DLGAP2: variants seen among roughly 807,000 people sequenced by gnomAD.
The protein encoded by DLGAP2 is DLG associated protein 2, also known as disks large-associated protein 2.
Under a neutral mutation model 100.3 loss-of-function variants are expected in DLGAP2, and 26 were observed. The ratio of observed to expected loss-of-function variants is 0.26; its 90% CI spans 0.19 to 0.36. DLGAP2 has a LOEUF of 0.36. Among genes scored for constraint, DLGAP2 ranks in the 10% least tolerant of loss-of-function variants. The pLI, the probability that DLGAP2 is intolerant of heterozygous loss-of-function variation, is 1.00. For synonymous variants in DLGAP2, 886 were observed against 630.1 expected, an observed-to-expected ratio of 1.41 and a Z score of -6.08; for missense variants, 1,858 against 1,453.2, an observed-to-expected ratio of 1.28 and a Z score of -4.53.
At chr8:1,309,924 A>C (rs557463690) in intron 3 of DLGAP2, among the ~76,000 whole-genome samples, 2 of 152,246 alleles carry the variant, frequency 1.3e-5, no homozygotes, top group East Asian at 3.9e-4. Flanking sequence ...GTGAAAACCC[A>C]TCTTTACTAA....
intron 3 of DLGAP2, among the ~76,000 whole-genome samples, chr8:1,282,482 C>G (rs1799837507): frequency 7.9e-6 from 1 of 127,388 alleles, no homozygotes; most frequent in African/African-American, 2.9e-5. Context: ...ATGGTGTGAC[C>G]TGAACCCAGC....
Position 1,633,041 on chromosome 8 carries a change from C to T in DLGAP2, c.1805C>T (p.Thr602Ile), listed in dbSNP as rs1265786134. The T allele has an allele frequency of 5.0e-6, 8 of 1,613,880 alleles. No individual in the cohort carries two copies. The African/African-American group carries it at 1.1e-4, about 22-fold the overall frequency. ...GACATCACCTCCACCATCAGGTCAA[C>T]AGCAGGTAAGGGGACGCCATTTTCA... Reference protein sequence around the residue: ...PSDITSTIRSTAAVSYTNYKK... With the variant: ...PSDITSTIRSIAAVSYTNYKK... Residue 602 changes from threonine to isoleucine, a missense_variant, in exon 8 of 15, where the codon ACA (threonine) becomes ATA (isoleucine). Physicochemically the swap from Thr to Ile is moderately conservative, Grantham distance 89. Coordinates refer to ENST00000637795, the MANE Select transcript of DLGAP2 (RefSeq NM_001346810.2).
chr8:1,229,190 T>C (rs998717859), intron 2 of DLGAP2, among the ~76,000 whole-genome samples: 7 of 151,840 alleles, frequency 4.6e-5, no homozygotes, highest in Non-Finnish European at 8.8e-5. Context: ...CTATAAAATA[T>C]TGAAATATTG....
intron 3 of DLGAP2, among the ~76,000 whole-genome samples, chr8:1,412,203 A>G (rs1355652651): frequency 6.6e-6 from 1 of 152,060 alleles, no homozygotes; most frequent in African/African-American, 2.4e-5. Flanking sequence ...AGCCCCCAGC[A>G]CTGGGACTTT....
intron 2 of DLGAP2, among the ~76,000 whole-genome samples, chr8:936,022 C>G (rs549084367): frequency 3.3e-5 from 5 of 152,078 alleles, no homozygotes; most frequent in Non-Finnish European, 5.9e-5. Flanking sequence ...GACCGAGGAC[C>G]CTGCCCAGTG....
At chr8:1,438,352 G>GT (rs1489438662) in intron 3 of DLGAP2, among the ~76,000 whole-genome samples, 2 of 152,136 alleles carry the variant, frequency 1.3e-5, no homozygotes, top group Non-Finnish European at 2.9e-5. Context: ...TACAGTTAGC[G>GT]TTTTGGTCTT....
intron 2 of DLGAP2, among the ~76,000 whole-genome samples, chr8:1,211,491 A>G (rs1246271485): frequency 6.6e-6 from 1 of 152,224 alleles, no homozygotes; most frequent in Non-Finnish European, 1.5e-5. Context: ...CAATGATATA[A>G]AGTACTCTCA....
chr8:1,010,791 C>G (rs1801257363), intron 2 of DLGAP2, among the ~76,000 whole-genome samples: 1 of 152,176 alleles, frequency 6.6e-6, no homozygotes, highest in South Asian at 2.1e-4. Context: ...TTTAGTTAAA[C>G]TTTAAAAACA....
At chr8:1,228,187 C>G (rs1443407370) in intron 2 of DLGAP2, among the ~76,000 whole-genome samples, 1 of 150,878 alleles carries the variant, frequency 6.6e-6, no homozygotes, top group African/African-American at 2.4e-5. Context: ...TGTAACAAAC[C>G]TGCACGTTGT....
At chr8:1,184,382 A>C (rs1335565314) in intron 2 of DLGAP2, among the ~76,000 whole-genome samples, 9 of 152,210 alleles carry the variant, frequency 5.9e-5, no homozygotes, top group Admixed American at 5.2e-4. Context: ...GGCTGTCCGC[A>C]AGCTCATGTC....
intron 5 of DLGAP2, among the ~76,000 whole-genome samples, chr8:1,564,272 A>C (rs1802306320): frequency 6.6e-6 from 1 of 152,300 alleles, no homozygotes; most frequent in Admixed American, 6.5e-5. Flanking sequence ...CCGCAATGGA[A>C]ACCATTGTGT....
chr8:1,494,777 C>G (rs889418477), intron 3 of DLGAP2, among the ~76,000 whole-genome samples: 15 of 152,058 alleles, frequency 9.9e-5, no homozygotes, highest in Non-Finnish European at 1.0e-4. Flanking sequence ...TCAATGCAGC[C>G]TCCCCCAAAC....
intron 2 of DLGAP2, among the ~76,000 whole-genome samples, chr8:1,037,870 A>G (rs1232195584): frequency 6.6e-6 from 1 of 152,192 alleles, no homozygotes; most frequent in Non-Finnish European, 1.5e-5. Flanking sequence ...CGGTCTCTCC[A>G]CAATTCTGAT....
chr8:1,693,285 T>C (rs1223338514), intron 13 of DLGAP2, among the ~76,000 whole-genome samples: 3 of 149,408 alleles, frequency 2.0e-5, no homozygotes, highest in Non-Finnish European at 4.4e-5. Flanking sequence ...TACATTTGCC[T>C]ACACACATGC....
At chr8:1,206,150 A>C (rs1334243863) in intron 2 of DLGAP2, among the ~76,000 whole-genome samples, 1 of 152,142 alleles carries the variant, frequency 6.6e-6, no homozygotes, top group Non-Finnish European at 1.5e-5. Context: ...ATCACAAAGG[A>C]GTTTGAAGGG....
At chr8:1,634,481 C>A (rs1454857617) in intron 8 of DLGAP2, among the ~76,000 whole-genome samples, 5 of 152,190 alleles carry the variant, frequency 3.3e-5, no homozygotes, top group Admixed American at 1.3e-4. Context: ...GCGTAGCCTC[C>A]TGTTTTCCTC....
At chr8:1,487,841 C>T (rs533005821) in intron 3 of DLGAP2, among the ~76,000 whole-genome samples, 1 of 152,214 alleles carries the variant, frequency 6.6e-6, no homozygotes, top group African/African-American at 2.4e-5. Context: ...TACCTGCCAG[C>T]AGGTACGTGG....
At chr8:1,557,642 C>T (rs1398079552) in intron 5 of DLGAP2, among the ~76,000 whole-genome samples, 2 of 152,136 alleles carry the variant, frequency 1.3e-5, no homozygotes, top group Non-Finnish European at 2.9e-5. Context: ...TGTAAAGGCA[C>T]ATTCATTCCG....
chr8:1,094,604 G>C (rs1804304059), intron 2 of DLGAP2, among the ~76,000 whole-genome samples: 1 of 152,234 alleles, frequency 6.6e-6, no homozygotes. Flanking sequence ...GCTGCAGCTT[G>C]AATTCCTCGG....
Sources: gnomAD v4.1 joint callset for allele counts (sites outside exome capture counted in the v4.1 genomes callset) on GRCh38, gnomAD v4.1.1 for gene constraint, MANE v1.5 for transcripts, NCBI Gene and HGNC (gene_info 2026-07-23, HGNC 2026-07-21) for gene names.